Variants in CDH18 observed in about 807,000 individuals in gnomAD.
CDH18 encodes the protein cadherin-18.
CDH18 carries 31 observed loss-of-function variants against 67.9 expected under a neutral mutation model. That is an observed-to-expected ratio of 0.46 (90% confidence interval 0.34 to 0.62). CDH18 has a LOEUF of 0.62. Among genes scored for constraint, CDH18 ranks in the 20% least tolerant of loss-of-function variants. The pLI, the probability that CDH18 is intolerant of heterozygous loss-of-function variation, is 0.01. For synonymous variants in CDH18, 362 were observed against 347.2 expected (o/e 1.04, Z -0.48); for missense variants, 890 against 975.5 (o/e 0.91, Z 1.17).
chr5:19,679,509 C>A (rs1759963770), intron 5 of CDH18, among the ~76,000 whole-genome samples: 1 of 151,916 alleles, frequency 6.6e-6, no homozygotes, highest in East Asian at 1.9e-4. Context: ...AGAGGAAGTC[C>A]AATTATCTCT....
chr5:19,476,091 G>A (rs1212937737), intron 12 of CDH18, among the ~76,000 whole-genome samples: 1 of 152,016 alleles, frequency 6.6e-6, no homozygotes, highest in African/African-American at 2.4e-5. Context: ...TGGTCACTGT[G>A]CACTGGGAGG....
chr5:20,019,133 T>C (rs1357471332), intron 2 of CDH18, among the ~76,000 whole-genome samples: 1 of 152,178 alleles, frequency 6.6e-6, no homozygotes. Flanking sequence ...GAATGTGAAC[T>C]GTGCCTTGGT....
chr5:20,186,875 A>G (rs545362160), intron 2 of CDH18, among the ~76,000 whole-genome samples: 2 of 151,956 alleles, frequency 1.3e-5, no homozygotes, highest in East Asian at 1.9e-4. Context: ...CACAATAACC[A>G]GAAAGTGGAA....
At chr5:19,632,405 A>G (rs1752541329) in intron 5 of CDH18, among the ~76,000 whole-genome samples, 1 of 152,206 alleles carries the variant, frequency 6.6e-6, no homozygotes, top group African/African-American at 2.4e-5. Flanking sequence ...ATGCATTTAT[A>G]ACCACATTTT....
At position 20,247,296 on chromosome 5, in the gene CDH18, T is replaced by C. The variant is rs114073311; in HGVS notation, c.-518+8148A>G. Among the ~76,000 whole-genome samples, 156 of 152,276 alleles carry C rather than the reference T, an allele frequency of 1.0e-3. 1 individual carries two copies. Among genetic ancestry groups the C allele is most frequent in the African/African-American group, 3.6e-3 (150 of 41,552 alleles). Reference sequence around the variant, plus strand: ...GTTCAATATAATTAGTATATATGAATCTATCTTTTGCTAAGTAATGTTAAC... The same window carrying C: ...GTTCAATATAATTAGTATATATGAACCTATCTTTTGCTAAGTAATGTTAAC... On this transcript the variant is annotated intron_variant, in intron 2 of 14. Coordinates refer to the CDH18 transcript ENST00000507958.
chr5:20,495,877 A>G (rs1753877200), intron 1 of CDH18, among the ~76,000 whole-genome samples: 2 of 152,206 alleles, frequency 1.3e-5, no homozygotes, highest in Non-Finnish European at 2.9e-5. Context: ...CAGCCACACC[A>G]TAGTTATTAA....
chr5:20,140,573 T>C (rs1750166771), intron 2 of CDH18, among the ~76,000 whole-genome samples: 1 of 152,118 alleles, frequency 6.6e-6, no homozygotes, highest in African/African-American at 2.4e-5. Context: ...GTTATGCTTG[T>C]CCAGATGCAA....
chr5:20,390,959 G>C (rs968299170), intron 1 of CDH18, among the ~76,000 whole-genome samples: 1 of 151,966 alleles, frequency 6.6e-6, no homozygotes, highest in Non-Finnish European at 1.5e-5. Flanking sequence ...CCAGGAAGGG[G>C]AACGTCACAC....
intron 2 of CDH18, among the ~76,000 whole-genome samples, chr5:19,995,845 A>C (rs1325895228): frequency 1.3e-5 from 2 of 152,070 alleles, no homozygotes; most frequent in African/African-American, 4.8e-5. Context: ...TCCATAGAAT[A>C]TCCTGGGGAT....
intron 2 of CDH18, among the ~76,000 whole-genome samples, chr5:19,957,888 T>G (rs1263990448): frequency 6.6e-6 from 1 of 152,062 alleles, no homozygotes; most frequent in African/African-American, 2.4e-5. Context: ...ATGTAATATG[T>G]AGATAACTGA....
chr5:20,060,124 T>TA (rs913961137), intron 2 of CDH18, among the ~76,000 whole-genome samples: 2 of 151,800 alleles, frequency 1.3e-5, no homozygotes, highest in African/African-American at 2.4e-5. Flanking sequence ...TAAAATATAA[T>TA]AAAAAAAACT....
chr5:20,510,156 T>G (rs2126480834), intron 1 of CDH18, among the ~76,000 whole-genome samples: 1 of 152,294 alleles, frequency 6.6e-6, no homozygotes, highest in African/African-American at 2.4e-5. Flanking sequence ...GTTGAAATTT[T>G]TTTTCATAGG....
chr5:20,366,043 A>C (rs1340915623), intron 1 of CDH18, among the ~76,000 whole-genome samples: 1 of 152,142 alleles, frequency 6.6e-6, no homozygotes, highest in Non-Finnish European at 1.5e-5. Flanking sequence ...ACTTCCCTGG[A>C]GTACCCAACT....
rs189025222 is a variant in CDH18 at position 20,063,491 on chromosome 5, G to A, written c.-517-71477C>T. Among the ~76,000 whole-genome samples, 182 of 151,894 alleles carry A rather than the reference G, an allele frequency of 1.2e-3. 1 individual carries two copies. Among genetic ancestry groups the A allele is most frequent in the Admixed American group, 0.012 (178 of 15,224 alleles). ...ATAGCAATCCCAAAGAATCAACATTGCACCCTGGTCCACACAGTAGAAAAA... is the reference window on the plus strand; with the variant it reads ...ATAGCAATCCCAAAGAATCAACATTACACCCTGGTCCACACAGTAGAAAAA... On this transcript the variant is annotated intron_variant, in intron 2 of 14. Transcript: ENST00000507958.
chr5:19,477,756 T>C (rs1427013385), intron 12 of CDH18, among the ~76,000 whole-genome samples: 4 of 152,062 alleles, frequency 2.6e-5, no homozygotes, highest in African/African-American at 9.7e-5. Flanking sequence ...GTACCTCTTC[T>C]TACAGTGAGT....
intron 9 of CDH18, among the ~76,000 whole-genome samples, chr5:19,538,310 C>T (rs1054845993): frequency 1.3e-5 from 2 of 152,098 alleles, no homozygotes; most frequent in African/African-American, 4.8e-5. Flanking sequence ...ATATGTTACA[C>T]AACAACAGAA....
chr5:19,878,248 T>C (rs1435076083), intron 2 of CDH18, among the ~76,000 whole-genome samples: 1 of 152,160 alleles, frequency 6.6e-6, no homozygotes, highest in Admixed American at 6.6e-5. Flanking sequence ...GTTATCCTAT[T>C]GTGATTAGAT....
At chr5:19,602,962 T>A (rs996993522) in intron 6 of CDH18, among the ~76,000 whole-genome samples, 5 of 68,370 alleles carry the variant, frequency 7.3e-5, no homozygotes, top group African/African-American at 2.5e-4. Context: ...CGAAACTCCA[T>A]CTCAAAAAAA....
chr5:19,814,438 C>A (rs934268876), intron 3 of CDH18, among the ~76,000 whole-genome samples: 9 of 152,040 alleles, frequency 5.9e-5, no homozygotes, highest in Non-Finnish European at 1.2e-4. Context: ...AACCCTGGCA[C>A]TATTGCAATT....
Sources: gnomAD v4.1 joint callset for allele counts (sites outside exome capture counted in the v4.1 genomes callset) on GRCh38, gnomAD v4.1.1 for gene constraint, MANE v1.5 for transcripts, NCBI Gene and HGNC (gene_info 2026-07-23, HGNC 2026-07-21) for gene names.